CTNNA3: variants seen among roughly 807,000 people sequenced by gnomAD.
CTNNA3 encodes catenin alpha-3.
Under a neutral mutation model 95.7 loss-of-function variants are expected in CTNNA3, and 76 were observed. The ratio of observed to expected loss-of-function variants is 0.79; its 90% CI spans 0.66 to 0.96. CTNNA3 has a LOEUF of 0.96. CTNNA3 is among the 40% of genes least tolerant of loss of function. The probability of loss-of-function intolerance (pLI) is 0.00; values close to 1 mark genes in which losing one functional copy is unlikely to be tolerated. For synonymous variants in CTNNA3, 431 were observed against 374.4 expected (o/e 1.15, Z -1.74); for missense variants, 1,191 against 1,089.8 (o/e 1.09, Z -1.31).
intron 17 of CTNNA3, among the ~76,000 whole-genome samples, chr10:65,962,072 C>G (rs1237540943): frequency 6.6e-6 from 1 of 152,084 alleles, no homozygotes. Context: ...AGTCAAGTCT[C>G]AGAATCTATA....
At chr10:66,289,497 A>G (rs1263950310) in intron 12 of CTNNA3, among the ~76,000 whole-genome samples, 1 of 151,832 alleles carries the variant, frequency 6.6e-6, no homozygotes, top group Non-Finnish European at 1.5e-5. Flanking sequence ...TGTTTAACTC[A>G]TGTAACATAC....
intron 12 of CTNNA3, among the ~76,000 whole-genome samples, chr10:66,369,878 G>A (rs1213853372): frequency 6.6e-6 from 1 of 152,028 alleles, no homozygotes; most frequent in Non-Finnish European, 1.5e-5. Context: ...TCTTGAAAAC[G>A]TGGCAATATA....
In CTNNA3 at chr10:66,523,596, A is replaced by G. The variant is rs548187331; in HGVS notation, c.1375-2823T>C. ...AAAACTAAAGCTTTTTTTTAAAATG[A>G]ATTATGTTGCTTTCTGAGGCATTTT... On this transcript the variant is annotated intron_variant, in intron 10 of 17. Coordinates refer to ENST00000433211, the MANE Select transcript of CTNNA3 (RefSeq NM_013266.4). 6.6e-5 allele frequency among the ~76,000 whole-genome samples: 10 copies of G among 152,244 alleles called. No individual in the cohort carries two copies. In the South Asian group the frequency reaches 2.1e-3, roughly 32 times the overall value.
At position 66,949,106 on chromosome 10, in the gene CTNNA3, CTAAAG is replaced by C; in HGVS notation, c.1048-173587_1048-173583del. On this transcript the variant is annotated intron_variant, in intron 7 of 17. Transcript: ENST00000433211. ...TTTATAATCTGCATTGATAACATTC[CTAAAG>C]TATTCAATGGAGCCATTCAGCAATA... Among the ~76,000 whole-genome samples the C allele has an allele frequency of 2.6e-5, 4 of 152,212 alleles. No homozygotes were observed. The Middle Eastern group carries it at 0.014, about 518-fold the overall frequency.
At chr10:66,308,695 C>A (rs1012338808) in intron 12 of CTNNA3, among the ~76,000 whole-genome samples, 12 of 151,948 alleles carry the variant, frequency 7.9e-5, no homozygotes, top group Non-Finnish European at 2.9e-5. Context: ...TATATGAAAA[C>A]ATTTTTATCA....
At chr10:66,113,099 G>A (rs1419166075) in intron 13 of CTNNA3, among the ~76,000 whole-genome samples, 11 of 152,162 alleles carry the variant, frequency 7.2e-5, no homozygotes, top group Non-Finnish European at 1.3e-4. Context: ...AGAGTACTAG[G>A]GCTCCAATTT....
At chr10:67,301,830 G>A (rs1360825012) in intron 5 of CTNNA3, among the ~76,000 whole-genome samples, 1 of 151,970 alleles carries the variant, frequency 6.6e-6, no homozygotes, top group Non-Finnish European at 1.5e-5. Context: ...TTAGCTGGGG[G>A]TGGTGGTGGG....
intron 5 of CTNNA3, among the ~76,000 whole-genome samples, chr10:67,441,651 G>T (rs1846521684): frequency 6.6e-6 from 1 of 152,024 alleles, no homozygotes; most frequent in African/African-American, 2.4e-5. Flanking sequence ...GGAGAGAGTG[G>T]TATTACATAT....
chr10:67,220,131 G>T (rs1864584786), intron 5 of CTNNA3, among the ~76,000 whole-genome samples: 1 of 152,158 alleles, frequency 6.6e-6, no homozygotes, highest in Non-Finnish European at 1.5e-5. Context: ...ATTCAGTCAA[G>T]TCCTTGTCAG....
chr10:66,082,227 C>G (rs2080793962), intron 14 of CTNNA3, among the ~76,000 whole-genome samples: 1 of 151,060 alleles, frequency 6.6e-6, no homozygotes, highest in Non-Finnish European at 1.5e-5. Flanking sequence ...CAACCAACAC[C>G]AAATGACAAA....
At chr10:66,039,269 T>C (rs2079631996) in intron 15 of CTNNA3, among the ~76,000 whole-genome samples, 1 of 152,168 alleles carries the variant, frequency 6.6e-6, no homozygotes, top group Admixed American at 6.5e-5. Flanking sequence ...TAGAAAAACA[T>C]TCCTACTAGG....
chr10:67,127,686 T>C (rs965969013), intron 7 of CTNNA3, among the ~76,000 whole-genome samples: 1 of 152,192 alleles, frequency 6.6e-6, no homozygotes, highest in Non-Finnish European at 1.5e-5. Flanking sequence ...TCTAGGTACA[T>C]CTGTACCAGG....
intron 5 of CTNNA3, among the ~76,000 whole-genome samples, chr10:67,247,243 T>C (rs969245052): frequency 4.6e-5 from 7 of 152,146 alleles, no homozygotes; most frequent in African/African-American, 1.7e-4. Flanking sequence ...ATCTTATGTG[T>C]TAAAAATCCT....
intron 11 of CTNNA3, among the ~76,000 whole-genome samples, chr10:66,440,821 A>G (rs1457105073): frequency 6.6e-6 from 1 of 152,178 alleles, no homozygotes; most frequent in African/African-American, 2.4e-5. Context: ...AAGAGATTAG[A>G]TTAGGGCCTG....
At chr10:67,217,071 C>T (rs979550863) in intron 6 of CTNNA3, among the ~76,000 whole-genome samples, 2 of 152,194 alleles carry the variant, frequency 1.3e-5, no homozygotes, top group Admixed American at 6.5e-5. Flanking sequence ...AAAAATTTAA[C>T]AAAAGCTTCA....
chr10:66,510,318 T>C (rs1840609555), intron 11 of CTNNA3, among the ~76,000 whole-genome samples: 1 of 151,088 alleles, frequency 6.6e-6, no homozygotes. Flanking sequence ...TTTCTATTTA[T>C]GAGAACATGT....
rs184618329 is a variant in CTNNA3, at chr10:66,217,179, C to T, written c.1884+63291G>A. ...GACCAGCCTGGCCAAGATGGTGAAA[C>T]GCCATCTCTACTAAAAATACAAAAA... is the stretch of plus-strand genomic sequence containing the variant. On this transcript the variant is annotated intron_variant, in intron 13 of 17. Coordinates refer to ENST00000433211, the MANE Select transcript of CTNNA3 (RefSeq NM_013266.4). Among the ~76,000 whole-genome samples the T allele has an allele frequency of 1.8e-4, 28 of 152,100 alleles. No individual in the cohort carries two copies. The East Asian group carries it at 2.3e-3, about 13-fold the overall frequency.
rs182823900 is a variant in CTNNA3 at position 66,509,452 on chromosome 10, G to A, written c.1531+11165C>T. On this transcript the variant is annotated intron_variant, in intron 11 of 17. Transcript: ENST00000433211. Reference sequence around the variant, plus strand: ...CCATAAAGTCTTTGCCTGGATCAGTGTCCTGCAACATTTCCTTTATCTTTT... The same window carrying A: ...CCATAAAGTCTTTGCCTGGATCAGTATCCTGCAACATTTCCTTTATCTTTT... Among the ~76,000 whole-genome samples, 160 of 151,986 alleles carry A rather than the reference G, an allele frequency of 1.1e-3. 1 individual carries two copies. Among genetic ancestry groups the A allele is most frequent in the African/African-American group, 3.5e-3 (145 of 41,508 alleles).
intron 10 of CTNNA3, among the ~76,000 whole-genome samples, chr10:66,594,386 A>G (rs1021390789): frequency 2.6e-5 from 4 of 152,148 alleles, no homozygotes; most frequent in Admixed American, 2.6e-4. Context: ...TCCATTTGTC[A>G]TACAGCCATC....
Sources: allele counts gnomAD v4.1 joint callset (sites outside exome capture counted in the v4.1 genomes callset), GRCh38; gene constraint gnomAD v4.1.1; transcripts MANE v1.5; gene names NCBI Gene and HGNC (gene_info 2026-07-23, HGNC 2026-07-21).